ALG14: variants seen among roughly 807,000 people sequenced by gnomAD.
ALG14 encodes the protein ALG14 UDP-N-acetylglucosaminyltransferase subunit, also known as UDP-N-acetylglucosamine transferase subunit ALG14.
In ALG14, 17 loss-of-function variants were observed where a neutral mutation model predicts 22.8. The observed-to-expected ratio is 0.75, with a 90% CI of 0.51 to 1.12. The LOEUF (loss-of-function observed/expected upper bound fraction) is 1.12, where lower values mean the gene tolerates loss of function less well. ALG14 is among the 50% of genes most tolerant of loss of function. The probability of loss-of-function intolerance (pLI) is 0.00; values close to 1 mark genes in which losing one functional copy is unlikely to be tolerated. For missense variants in ALG14, 288 were observed against 271.8 expected (o/e 1.06, Z -0.42); for synonymous variants, 89 against 103.7 (o/e 0.86, Z 0.86).
At chr1:95,031,147 A>C (rs1196782253) in intron 2 of ALG14, among the ~76,000 whole-genome samples, 3 of 152,178 alleles carry the variant, frequency 2.0e-5, no homozygotes, top group Non-Finnish European at 4.4e-5. Context: ...CTCAGCCTAC[A>C]CTTGTTGTCT....
At chr1:95,071,619 G>A (rs1571690915) in intron 1 of ALG14, among the ~76,000 whole-genome samples, 1 of 152,094 alleles carries the variant, frequency 6.6e-6, no homozygotes, top group African/African-American at 2.4e-5. Context: ...AACTCTACAC[G>A]ATAGTGTTCT....
intron 1 of ALG14, among the ~76,000 whole-genome samples, chr1:95,069,484 C>T (rs922610745): frequency 6.6e-5 from 10 of 152,162 alleles, no homozygotes; most frequent in African/African-American, 2.4e-4. Flanking sequence ...ATGGCTTTTT[C>T]TCTTTGGTGT....
In ALG14 at chr1:94,989,003, AAGTT is replaced by A. The variant is rs773279085; in HGVS notation, c.421-5701_421-5698del. ...TGAGAGCTTATACATAATATTAGTAAAGTTAGTTATATTTGTTTTTAAAATACTT... is the reference window on the plus strand; with the variant it reads ...TGAGAGCTTATACATAATATTAGTAAAGTTATATTTGTTTTTAAAATACTT... On this transcript the variant is annotated intron_variant, in intron 3 of 3. Transcript: ENST00000370205. Among the ~76,000 whole-genome samples the A allele has an allele frequency of 5.9e-5, 9 of 152,276 alleles. 1 individual carries two copies. The South Asian group carries it at 8.3e-4, about 14-fold the overall frequency.
chr1:95,065,934 T>TGTG (rs1675345086), intron 1 of ALG14, among the ~76,000 whole-genome samples: 1 of 152,182 alleles, frequency 6.6e-6, no homozygotes, highest in Admixed American at 6.5e-5. Flanking sequence ...TATCTACCTA[T>TGTG]CTATAAACGA....
At chr1:95,004,037 A>C (rs1673139134) in intron 3 of ALG14, among the ~76,000 whole-genome samples, 1 of 152,066 alleles carries the variant, frequency 6.6e-6, no homozygotes, top group Admixed American at 6.6e-5. Context: ...TGTTTTAAAC[A>C]TCTTGTAAGC....
intron 2 of ALG14, among the ~76,000 whole-genome samples, chr1:95,059,841 A>G (rs1177257972): frequency 6.6e-6 from 1 of 152,010 alleles, no homozygotes; most frequent in Non-Finnish European, 1.5e-5. Flanking sequence ...GTAGCCACAT[A>G]TGGCTAGTGG....
At chr1:95,012,506 A>G (rs1316392286) in intron 3 of ALG14, among the ~76,000 whole-genome samples, 1 of 152,212 alleles carries the variant, frequency 6.6e-6, no homozygotes, top group African/African-American at 2.4e-5. Context: ...TTTGCTGCTC[A>G]TTAAGTAATA....
intron 3 of ALG14, among the ~76,000 whole-genome samples, chr1:95,014,285 G>A (rs1673444544): frequency 6.6e-6 from 1 of 152,160 alleles, no homozygotes; most frequent in Non-Finnish European, 1.5e-5. Context: ...CTATTCTGTT[G>A]GACATCCTGA....
At chr1:95,027,345 G>A (rs148975973) in intron 2 of ALG14, 85 bp from the exon 3 acceptor site, 1 of 1,480,098 alleles carries the variant, frequency 6.8e-7, no homozygotes, top group East Asian at 2.3e-5. Context: ...TGTAGAAACA[G>A]AAATGCTTTC....
At chr1:95,047,031 C>T (rs941793977) in intron 2 of ALG14, among the ~76,000 whole-genome samples, 2 of 144,804 alleles carry the variant, frequency 1.4e-5, no homozygotes, top group Non-Finnish European at 3.0e-5. Context: ...CATAACATAA[C>T]ATAACGACAT....
chr1:94,976,769 A>G lies in ALG14; in HGVS notation c.*6307T>C, dbSNP rs918133330. On this transcript the variant is annotated 3_prime_UTR_variant, in exon 4 of 4. Transcript: ENST00000370205. Reference sequence around the variant, plus strand: ...CCTGGATAATCTACTATCCGTTAGTATGGGTGGGATCTGTGAATATCATGA... The same window carrying G: ...CCTGGATAATCTACTATCCGTTAGTGTGGGTGGGATCTGTGAATATCATGA... 2.0e-5 allele frequency: 3 copies of G among 152,118 alleles called. No individual in the cohort carries two copies. The highest frequency in any genetic ancestry group is 7.2e-5 in the African/African-American group (3 of 41,414). 9.4% of individuals were successfully genotyped at this position (152,118 alleles called of 1,614,324 possible).
In ALG14 at chr1:94,983,319, G is replaced by C; in HGVS notation, c.421-13C>G. 1 of 1,607,294 alleles carries C rather than the reference G, an allele frequency of 6.2e-7. No individual in the cohort carries two copies. Among genetic ancestry groups the C allele is most frequent in the East Asian group, 2.2e-5 (1 of 44,838 alleles). The stretch of plus-strand genomic sequence containing the variant: ...CGTTACACAACACCTGAAAGAAAAA[G>C]TTGAAGGTCAAATGAAAATACAGAA... On this transcript the variant is annotated splice_polypyrimidine_tract_variant and intron_variant, in intron 3 of 3. Transcript: ENST00000370205.
chr1:95,012,408 C>T (rs967656527), intron 3 of ALG14, among the ~76,000 whole-genome samples: 6 of 152,186 alleles, frequency 3.9e-5, no homozygotes, highest in Non-Finnish European at 8.8e-5. Context: ...CAGAAGTAGA[C>T]TCGGAACTGA....
intron 3 of ALG14, among the ~76,000 whole-genome samples, chr1:94,999,351 T>A (rs960457312): frequency 2.5e-4 from 33 of 132,282 alleles, no homozygotes; most frequent in African/African-American, 6.4e-4. Context: ...CCATTTTTTT[T>A]TTTTTTTTTT....
intron 3 of ALG14, among the ~76,000 whole-genome samples, chr1:95,000,858 G>C (rs1360584475): frequency 6.6e-6 from 1 of 151,314 alleles, no homozygotes; most frequent in Non-Finnish European, 1.5e-5. Context: ...GAAGAAGAGA[G>C]GGCACAAAGA....
rs576127294 is a variant in ALG14 at position 94,994,471 on chromosome 1, G to A, written c.421-11165C>T. ...ACACACTGACATTTTCTGGGAAACT[G>A]CCACTTGCGAGGTATAGAGTCTACA... On this transcript the variant is annotated intron_variant, in intron 3 of 3. Transcript: ENST00000370205. Among the ~76,000 whole-genome samples, 3 of 152,276 alleles carry A rather than the reference G, an allele frequency of 2.0e-5. No individual in the cohort carries two copies. In the East Asian group the frequency reaches 5.8e-4, roughly 29 times the overall value.
At chr1:95,042,221 A>C in intron 2 of ALG14, among the ~76,000 whole-genome samples, 1 of 151,844 alleles carries the variant, frequency 6.6e-6, no homozygotes, top group Non-Finnish European at 1.5e-5. Context: ...AGAAGCCCCC[A>C]CCCCAACACT....
At position 94,977,914 on chromosome 1, in the gene ALG14, G is replaced by A. The variant is rs888609135; in HGVS notation, c.*5162C>T. ...GATCCATCCACCTCGGCCTCCCAAA[G>A]TGCTGGGATTACAAGTGTGAAACAC... On this transcript the variant is annotated 3_prime_UTR_variant, in exon 4 of 4. Coordinates refer to ENST00000370205, the MANE Select transcript of ALG14 (RefSeq NM_144988.4). The A allele has an allele frequency of 2.0e-5, 3 of 152,202 alleles. No homozygotes were observed. Among genetic ancestry groups the A allele is most frequent in the Admixed American group, 1.3e-4 (2 of 15,278 alleles). The allele number at this position is 152,202 out of a possible 1,614,324, so 9.4% of individuals were successfully genotyped here. A position where few individuals can be genotyped will look rare whatever the true frequency, so the allele number is the denominator to read the frequency against.
At chr1:95,029,830 C>G (rs1673943203) in intron 2 of ALG14, among the ~76,000 whole-genome samples, 1 of 152,164 alleles carries the variant, frequency 6.6e-6, no homozygotes, top group African/African-American at 2.4e-5. Flanking sequence ...CATGGTATAC[C>G]AGTGTAGAAT....
Sources: gnomAD v4.1 joint callset for allele counts (sites outside exome capture counted in the v4.1 genomes callset) on GRCh38, gnomAD v4.1.1 for gene constraint, MANE v1.5 for transcripts, NCBI Gene and HGNC (gene_info 2026-07-23, HGNC 2026-07-21) for gene names.